Variants in APOL4 observed in about 807,000 individuals in gnomAD.
The protein encoded by APOL4 is apolipoprotein L4, also known as apolipoprotein L, 4.
APOL4 carries 14 observed loss-of-function variants against 12.1 expected under a neutral mutation model. That is an observed-to-expected ratio of 1.16 (90% CI 0.76 to 1.81). The LOEUF (loss-of-function observed/expected upper bound fraction) is 1.81. Among genes scored for constraint, APOL4 ranks in the 40% most tolerant of loss-of-function variants. The probability of loss-of-function intolerance (pLI) is 0.00; values close to 1 mark genes in which losing one functional copy is unlikely to be tolerated. For synonymous variants in APOL4, 171 were observed against 160.6 expected (o/e 1.06, Z -0.49); for missense variants, 432 against 423.1 (o/e 1.02, Z -0.18).
chr22:36,191,313 T>A lies in APOL4; in HGVS notation c.809A>T (p.Glu270Val). The change falls in exon 4 of 4, where the codon GAG becomes GTG. Residue 270 changes from glutamate to valine, a missense_variant. Coordinates refer to ENST00000683024, the MANE Select transcript of APOL4 (RefSeq NM_001386885.1). ...GGGGGCCCCACGTGTTCTCAGTGTC[T>A]CAACAACATTTATAGGTACATATCG... ...AWRYVPINVV[E>V]TLRTRGAPTR... 6.2e-7 allele frequency: 1 copy of A among 1,614,050 alleles called. No homozygotes were observed. The highest frequency in any genetic ancestry group is 1.7e-5 in the Admixed American group (1 of 60,032).
At chr22:36,201,637 A>AGGGC (rs1569531529) in intron 1 of APOL4, 63 bp downstream of exon 1, 1 of 1,370,754 alleles carries the variant, frequency 7.3e-7, no homozygotes, top group African/African-American at 1.9e-5. Context: ...GAGCCAGTAG[A>AGGGC]ACTGGGAGGA....
rs143040728 is a variant in APOL4, at chr22:36,193,931, A to G, written c.209+1380T>C. On this transcript the variant is annotated intron_variant, in intron 3 of 3. Transcript: ENST00000683024. Reference sequence around the variant, plus strand: ...TCTCACTCTCACATGTCACCAGCCAAACTAATGCCTTAGCAGGTGACAGCT... The same window carrying G: ...TCTCACTCTCACATGTCACCAGCCAGACTAATGCCTTAGCAGGTGACAGCT... Among the ~76,000 whole-genome samples, 41 of 152,318 alleles carry G rather than the reference A, an allele frequency of 2.7e-4. No individual in the cohort carries two copies. The Middle Eastern group carries it at 0.02, about 76-fold the overall frequency.
At chr22:36,194,931 G>T (rs923159359) in intron 3 of APOL4, among the ~76,000 whole-genome samples, 1 of 152,224 alleles carries the variant, frequency 6.6e-6, no homozygotes, top group Non-Finnish European at 1.5e-5. Context: ...TTTTGTAAAA[G>T]GTAACGCTAA....
At chr22:36,195,245 A>G (rs2014368604) in intron 3 of APOL4, 66 bp downstream of exon 3, 1 of 1,558,668 alleles carries the variant, frequency 6.4e-7, no homozygotes, top group African/African-American at 1.4e-5. Context: ...GCCAGAGAAA[A>G]CTAGCCCGGG....
chr22:36,195,191 A>G, intron 3 of APOL4, 120 bp downstream of exon 3: 1 of 1,305,060 alleles, frequency 7.7e-7, no homozygotes, highest in Non-Finnish European at 1.0e-6. Flanking sequence ...TGAGAGGGAC[A>G]TCCTCAAGCC....
At chr22:36,192,107 G>A (rs753040891) in intron 3 of APOL4, among the ~76,000 whole-genome samples, 195 bp from the exon 4 acceptor site, 3 of 152,198 alleles carry the variant, frequency 2.0e-5, no homozygotes, top group Non-Finnish European at 2.9e-5. Flanking sequence ...TTGGGAGGCC[G>A]AGATGGGTGG....
chr22:36,198,514 T>C (rs1234442563), intron 2 of APOL4, among the ~76,000 whole-genome samples: 4 of 152,224 alleles, frequency 2.6e-5, no homozygotes, highest in Non-Finnish European at 4.4e-5. Context: ...TTTCGATGAT[T>C]GGACTCAGCC....
At chr22:36,192,069 G>A (rs8141287) in intron 3 of APOL4, among the ~76,000 whole-genome samples, 157 bp from the exon 4 acceptor site, 3,208 of 152,276 alleles carry the variant, frequency 0.021, 68 homozygotes, top group African/African-American at 0.044. Flanking sequence ...GGCCGGGCGC[G>A]GTGGCTCATG....
At chr22:36,193,729 C>A (rs1569531137) in intron 3 of APOL4, among the ~76,000 whole-genome samples, 1 of 152,182 alleles carries the variant, frequency 6.6e-6, no homozygotes, top group Non-Finnish European at 1.5e-5. Flanking sequence ...TGTCAATTTG[C>A]CTGGCATGTT....
chr22:36,192,559 G>C (rs552474252), intron 3 of APOL4, among the ~76,000 whole-genome samples: 2 of 152,274 alleles, frequency 1.3e-5, no homozygotes, highest in South Asian at 4.1e-4. Flanking sequence ...GAAAAACAAA[G>C]AGAAGTGGGT....
intron 3 of APOL4, among the ~76,000 whole-genome samples, chr22:36,193,067 TC>T (rs977675247): frequency 2.6e-5 from 4 of 152,082 alleles, no homozygotes; most frequent in Non-Finnish European, 5.9e-5. Context: ...TTAGAGAGGA[TC>T]CCCCCAGCTT....
intron 3 of APOL4, among the ~76,000 whole-genome samples, chr22:36,193,716 A>C (rs1174814189): frequency 6.6e-6 from 1 of 152,172 alleles, no homozygotes; most frequent in Non-Finnish European, 1.5e-5. Context: ...TCAGACTAGA[A>C]GGTGTCAATT....
intron 2 of APOL4, among the ~76,000 whole-genome samples, chr22:36,198,200 G>A (rs369251384): frequency 1.2e-4 from 18 of 152,182 alleles, no homozygotes; most frequent in East Asian, 1.2e-3. Context: ...TTCTCTCTTC[G>A]TTGTCAGAAT....
chr22:36,202,287 G>T (rs963275099), upstream of APOL4, among the ~76,000 whole-genome samples: 6 of 152,056 alleles, frequency 3.9e-5, no homozygotes, highest in Admixed American at 1.3e-4. Flanking sequence ...GTTAATTTTT[G>T]ATTTCATAGA....
At chr22:36,203,384 A>T (rs112175641), upstream of APOL4, among the ~76,000 whole-genome samples, 475 of 152,310 alleles carry the variant, frequency 3.1e-3, 2 homozygotes, top group Middle Eastern at 0.037. Flanking sequence ...GGATGGTCAC[A>T]TGGGGATGAA....
chr22:36,204,335 G>A (rs2014667963), upstream of APOL4, among the ~76,000 whole-genome samples: 3 of 152,042 alleles, frequency 2.0e-5, no homozygotes, highest in Non-Finnish European at 1.5e-5. Flanking sequence ...CTTCCTTCTG[G>A]GGTCACCTGG....
chr22:36,192,031 G>T (rs572367889), intron 3 of APOL4, 119 bp from the exon 4 acceptor site: 2 of 996,860 alleles, frequency 2.0e-6, no homozygotes, highest in East Asian at 2.5e-5. Context: ...TGGAAGTAAA[G>T]TTCTAAAAGA....
At chr22:36,197,633 G>C (rs1266879296) in intron 2 of APOL4, 15 of 1,543,314 alleles carry the variant, frequency 9.7e-6, no homozygotes, top group Non-Finnish European at 1.3e-5. Flanking sequence ...ATATCAGATG[G>C]GCGCTTCTGT....
upstream of APOL4, chr22:36,201,976 C>T (rs754152852): frequency 6.2e-7 from 1 of 1,614,016 alleles, no homozygotes. Flanking sequence ...CACCTCAGGG[C>T]TCTGAGCCAA....
Sources: allele counts gnomAD v4.1 joint callset (sites outside exome capture counted in the v4.1 genomes callset), GRCh38; gene constraint gnomAD v4.1.1; transcripts MANE v1.5; gene names NCBI Gene and HGNC (gene_info 2026-07-23, HGNC 2026-07-21).